ADGRV1: variants seen among roughly 807,000 people sequenced by gnomAD.
ADGRV1 encodes the protein G-protein coupled receptor 98.
ADGRV1 carries 359 observed loss-of-function variants against 596.2 expected under a neutral mutation model. The observed-to-expected ratio is 0.60, with a 90% CI of 0.55 to 0.66. ADGRV1 has a LOEUF of 0.66. Ranked by LOEUF, ADGRV1 falls within the 30% of genes least tolerant of loss-of-function variation. The probability of loss-of-function intolerance (pLI) is 0.00; values close to 1 mark genes in which losing one functional copy is unlikely to be tolerated. For synonymous variants in ADGRV1, 2,681 were observed against 2,679.2 expected, an observed-to-expected ratio of 1.00 and a Z score of -0.02; for missense variants, 7,274 against 7,575.6, an observed-to-expected ratio of 0.96 and a Z score of 1.48.
rs1231874428 is a variant in ADGRV1, at chr5:90,821,108, CT to C, written c.16197-2316del. ...AGTCGCATATTTCTTGGAGGCTTTGCTCATTTCTTTCTATTCTTTTTTCTCT... is the reference window on the plus strand; with the variant it reads ...AGTCGCATATTTCTTGGAGGCTTTGCCATTTCTTTCTATTCTTTTTTCTCT... On this transcript the variant is annotated intron_variant, in intron 75 of 89. Coordinates refer to ENST00000405460, the MANE Select transcript of ADGRV1 (RefSeq NM_032119.4). 8.6e-5 allele frequency among the ~76,000 whole-genome samples: 13 copies of C among 152,036 alleles called. No individual in the cohort carries two copies. In the East Asian group the frequency reaches 2.3e-3, roughly 27 times the overall value.
chr5:91,074,368 G>A (rs74382815), intron 86 of ADGRV1, among the ~76,000 whole-genome samples: 61 of 152,082 alleles, frequency 4.0e-4, no homozygotes, highest in African/African-American at 1.2e-3. Context: ...TCTTATTCCC[G>A]TCTTTGTGTC....
intron 21 of ADGRV1, among the ~76,000 whole-genome samples, chr5:90,662,096 AT>A (rs1389797447): frequency 6.6e-6 from 1 of 152,140 alleles, no homozygotes; most frequent in Non-Finnish European, 1.5e-5. Context: ...ATACACAAAA[AT>A]AGAGAAGATA....
chr5:90,900,588 A>G (rs1163665581), intron 83 of ADGRV1, among the ~76,000 whole-genome samples: 1 of 152,148 alleles, frequency 6.6e-6, no homozygotes, highest in Admixed American at 6.6e-5. Context: ...GTGCAAAAAA[A>G]AATTTCGAGA....
intron 70 of ADGRV1, among the ~76,000 whole-genome samples, chr5:90,794,908 A>G (rs1760501901): frequency 6.6e-6 from 1 of 150,894 alleles, no homozygotes; most frequent in South Asian, 2.2e-4. Context: ...ACCCAAGGGA[A>G]GCCATGAGGG....
At position 90,558,801 on chromosome 5, in the gene ADGRV1, G is replaced by A. The variant is rs1295176006; in HGVS notation, c.-95G>A. 4 of 1,249,788 alleles carry A rather than the reference G, an allele frequency of 3.2e-6. No homozygotes were observed. The highest frequency in any genetic ancestry group is 3.0e-5 in the African/African-American group (2 of 67,324). 77.4% of individuals were successfully genotyped at this position (1,249,788 alleles called of 1,614,324 possible). A position where few individuals can be genotyped will look rare whatever the true frequency, so the allele number is the denominator to read the frequency against. ...CCCTCCTCCTGATCCTGTAGTGGTA[G>A]TAAGAATCAGCAGCGCGGGCAAGGA... On this transcript the variant is annotated 5_prime_UTR_variant, in exon 1 of 90. Transcript: ENST00000405460.
At chr5:90,700,947 A>C in intron 34 of ADGRV1, among the ~76,000 whole-genome samples, 1 of 152,148 alleles carries the variant, frequency 6.6e-6, no homozygotes, top group East Asian at 1.9e-4. Flanking sequence ...CTTTGTAAAA[A>C]GAATTCTGGT....
Position 90,614,819 on chromosome 5 carries a change from T to G in ADGRV1, c.23-16T>G. 6.4e-7 allele frequency: 1 copy of G among 1,561,058 alleles called. No individual in the cohort carries two copies. The highest frequency in any genetic ancestry group is 8.8e-7 in the Non-Finnish European group (1 of 1,136,322). Reference sequence around the variant, plus strand: ...AGATATATTTTGTGAATAATATTTTTTTCTTTTTGTTTTAGGGATGCCCTC... The same window carrying G: ...AGATATATTTTGTGAATAATATTTTGTTCTTTTTGTTTTAGGGATGCCCTC... On this transcript the variant is annotated splice_polypyrimidine_tract_variant and intron_variant, in intron 1 of 89. Coordinates refer to ENST00000405460, the MANE Select transcript of ADGRV1 (RefSeq NM_032119.4).
At chr5:90,722,424 T>C (rs750899350) in intron 45 of ADGRV1, among the ~76,000 whole-genome samples, 3 of 151,994 alleles carry the variant, frequency 2.0e-5, no homozygotes, top group Non-Finnish European at 4.4e-5. Flanking sequence ...AGAAGGTCTC[T>C]GCTGGGCCGG....
chr5:90,983,948 T>C (rs1780284544), intron 84 of ADGRV1, among the ~76,000 whole-genome samples: 1 of 152,132 alleles, frequency 6.6e-6, no homozygotes, highest in South Asian at 2.1e-4. Flanking sequence ...CCACAAACAT[T>C]AGGAATGCTT....
At chr5:91,062,693 T>G (rs993116202) in intron 85 of ADGRV1, among the ~76,000 whole-genome samples, 2 of 152,170 alleles carry the variant, frequency 1.3e-5, no homozygotes, top group African/African-American at 4.8e-5. Flanking sequence ...TTCAGATTGC[T>G]TCTGAACATT....
At chr5:90,831,387 T>A (rs370240845) in intron 77 of ADGRV1, among the ~76,000 whole-genome samples, 18 of 151,930 alleles carry the variant, frequency 1.2e-4, no homozygotes, top group African/African-American at 4.4e-4. Flanking sequence ...GTAGAGAATG[T>A]TTGTGGCAGT....
chr5:90,763,564 G>T, intron 59 of ADGRV1, 95 bp downstream of exon 59: 1 of 1,269,506 alleles, frequency 7.9e-7, no homozygotes, highest in East Asian at 2.4e-5. Flanking sequence ...ACATGTGCAG[G>T]TTTGTTACAT....
intron 59 of ADGRV1, among the ~76,000 whole-genome samples, chr5:90,769,934 G>A (rs764707286): frequency 3.9e-4 from 59 of 152,140 alleles, no homozygotes; most frequent in Non-Finnish European, 8.1e-4. Flanking sequence ...AGATGAAAGA[G>A]CTGATAACAG....
Position 90,647,522 on chromosome 5 carries a change from A to G in ADGRV1, c.3047A>G (p.Glu1016Gly). ...GAACCTCGTGTAGTGAGGGTTCAGGAAGGTGAGACTGCCAACTTTACAGTT... is the reference window on the plus strand; with the variant it reads ...GAACCTCGTGTAGTGAGGGTTCAGGGAGGTGAGACTGCCAACTTTACAGTT... ...FAEPRVVRVQEGETANFTVLR... is the reference protein window; with the variant it reads ...FAEPRVVRVQGGETANFTVLR... Residue 1016 changes from glutamate (E) to glycine (G), a missense_variant, in exon 17 of 90, where the codon GAA becomes GGA. This residue lies in a region of ADGRV1 where 1,715 missense variants were observed against 1,708.8 expected (regional missense o/e 1.00). Transcript: ENST00000405460. 1 of 1,613,304 alleles carries G rather than the reference A, an allele frequency of 6.2e-7. No homozygotes were observed. Among genetic ancestry groups the G allele is most frequent in the Non-Finnish European group, 8.5e-7 (1 of 1,179,406 alleles).
chr5:90,658,389 C>A, intron 21 of ADGRV1, 111 bp downstream of exon 21: 1 of 955,900 alleles, frequency 1.0e-6, no homozygotes, highest in Non-Finnish European at 1.5e-6. Flanking sequence ...TACTCCAAGT[C>A]CAGAAGTATG....
chr5:90,990,097 C>T (rs1168719620), intron 85 of ADGRV1, among the ~76,000 whole-genome samples: 1 of 152,146 alleles, frequency 6.6e-6, no homozygotes, highest in Non-Finnish European at 1.5e-5. Flanking sequence ...GGATTACAGG[C>T]GTGAGCCACT....
intron 87 of ADGRV1, among the ~76,000 whole-genome samples, chr5:91,143,262 A>G (rs1159714325): frequency 6.6e-6 from 1 of 152,198 alleles, no homozygotes; most frequent in African/African-American, 2.4e-5. Flanking sequence ...CCAAGGAGCC[A>G]CAGCTCTTCT....
At chr5:91,081,548 C>T (rs1789380729) in intron 86 of ADGRV1, among the ~76,000 whole-genome samples, 1 of 152,118 alleles carries the variant, frequency 6.6e-6, no homozygotes, top group Non-Finnish European at 1.5e-5. Context: ...CTTTGAGAGG[C>T]CGAGGCAGGT....
intron 32 of ADGRV1, 65 bp downstream of exon 32, chr5:90,692,851 C>T (rs955851877): frequency 8.2e-7 from 1 of 1,220,250 alleles, no homozygotes; most frequent in Admixed American, 3.3e-5. Context: ...GGGAAGGATC[C>T]CTTGCACAGT....
Sources: allele counts gnomAD v4.1 joint callset (sites outside exome capture counted in the v4.1 genomes callset), GRCh38; gene constraint gnomAD v4.1.1; regional missense constraint gnomAD v4.1.1; transcripts MANE v1.5; gene names NCBI Gene and HGNC (gene_info 2026-07-23, HGNC 2026-07-21).